The following PLA2G5 variants were observed in gnomAD, a reference collection of about 807,000 sequenced individuals.
PLA2G5 encodes Ca2+-dependent phospholipase A2.
In PLA2G5, 12 loss-of-function variants were observed where a neutral mutation model predicts 15.9. The ratio of observed to expected loss-of-function variants is 0.76; its 90% CI spans 0.48 to 1.23. The LOEUF (loss-of-function observed/expected upper bound fraction) is 1.23, where lower values mean the gene tolerates loss of function less well. Among genes scored for constraint, PLA2G5 ranks in the 50% most tolerant of loss-of-function variants. PLA2G5 has a pLI of 0.00. For missense variants in PLA2G5, 169 were observed against 177.1 expected (o/e 0.95, Z 0.26); for synonymous variants, 71 against 71.4 (o/e 0.99, Z 0.03).
intron 1 of PLA2G5, among the ~76,000 whole-genome samples, chr1:20,077,666 T>C (rs2015764262): frequency 6.6e-6 from 1 of 152,210 alleles, no homozygotes; most frequent in South Asian, 2.1e-4. Context: ...CATCGAATTA[T>C]CAGCGTTACT....
Position 20,088,317 on chromosome 1 carries a change from G to A in PLA2G5, c.186-1472G>A, listed in dbSNP as rs1008011582. ...GGTTTTGGTGGTGAGCTGAGATCGC[G>A]CCATTGCACTCCAGCCTGGGCGATG... On this transcript the variant is annotated intron_variant, in intron 3 of 4. Transcript: ENST00000375108. Among the ~76,000 whole-genome samples the A allele has an allele frequency of 8.6e-5, 13 of 151,170 alleles. 1 individual carries two copies. Among genetic ancestry groups the A allele is most frequent in the African/African-American group, 2.9e-4 (12 of 41,052 alleles).
chr1:20,030,714 G>T (rs1169517527), intron 1 of PLA2G5, among the ~76,000 whole-genome samples: 2 of 152,138 alleles, frequency 1.3e-5, no homozygotes, highest in East Asian at 1.9e-4. Context: ...AGAGGTCCCT[G>T]CGGCCTTCTG....
chr1:20,069,410 C>T (rs1296473920), upstream of PLA2G5, among the ~76,000 whole-genome samples: 1 of 152,206 alleles, frequency 6.6e-6, no homozygotes, highest in Admixed American at 6.5e-5. Context: ...TGGTGGCTCA[C>T]ACCTGTAATT....
intron 1 of PLA2G5, among the ~76,000 whole-genome samples, chr1:20,033,807 G>A (rs1389219944): frequency 6.6e-6 from 1 of 152,000 alleles, no homozygotes; most frequent in Non-Finnish European, 1.5e-5. Flanking sequence ...GGTAGTTGAT[G>A]GGGCAAGCTG....
intron 1 of PLA2G5, among the ~76,000 whole-genome samples, chr1:20,042,176 G>A (rs1366823021): frequency 6.6e-6 from 1 of 152,190 alleles, no homozygotes; most frequent in Admixed American, 6.5e-5. Context: ...TTGCTGAGAG[G>A]TAGTGGATGG....
At chr1:20,069,691 G>GAAAGAAAGA (rs2100524298), upstream of PLA2G5, among the ~76,000 whole-genome samples, 1 of 67,538 alleles carries the variant, frequency 1.5e-5, no homozygotes, top group African/African-American at 3.2e-5. Flanking sequence ...AAGAAAGAAA[G>GAAAGAAAGA]AAAGAAAGAA....
intron 2 of PLA2G5, among the ~76,000 whole-genome samples, chr1:20,064,395 G>A (rs1204562586): frequency 6.6e-6 from 1 of 151,756 alleles, no homozygotes; most frequent in African/African-American, 2.4e-5. Flanking sequence ...CCAACATGGT[G>A]AAATCCTGTC....
intron 1 of PLA2G5, among the ~76,000 whole-genome samples, chr1:20,079,113 C>CG (rs1557750151): frequency 9.7e-6 from 1 of 103,056 alleles, no homozygotes; most frequent in African/African-American, 3.8e-5. Context: ...GACCCTGTCT[C>CG]AAAAAAAAAA....
intron 1 of PLA2G5, among the ~76,000 whole-genome samples, chr1:20,050,412 G>A (rs1461873756): frequency 1.3e-5 from 2 of 152,154 alleles, no homozygotes; most frequent in Non-Finnish European, 2.9e-5. Context: ...GAGATTGTAA[G>A]GGCCAATTTT....
chr1:20,029,390 C>T (rs150886713), intron 1 of PLA2G5, among the ~76,000 whole-genome samples: 8 of 152,088 alleles, frequency 5.3e-5, no homozygotes, highest in African/African-American at 1.7e-4. Flanking sequence ...CATGTTCCTC[C>T]GCTGATATGT....
chr1:20,084,232 T>A (rs1427918848), intron 1 of PLA2G5, among the ~76,000 whole-genome samples: 1 of 152,142 alleles, frequency 6.6e-6, no homozygotes, highest in Non-Finnish European at 1.5e-5. Flanking sequence ...GGCACTATTC[T>A]CAGTGGTAGA....
upstream of PLA2G5, chr1:20,068,750 C>T: frequency 2.9e-6 from 1 of 339,176 alleles, no homozygotes; most frequent in Admixed American, 4.2e-5. Context: ...CACGCCCGGC[C>T]AAAAGTTTTT....
At chr1:20,029,331 G>T (rs1342139) in intron 1 of PLA2G5, among the ~76,000 whole-genome samples, 1 of 147,164 alleles carries the variant, frequency 6.8e-6, no homozygotes, top group Non-Finnish European at 1.5e-5. Flanking sequence ...CCAGCCACCC[G>T]TGTGTTCCTC....
intron 1 of PLA2G5, among the ~76,000 whole-genome samples, chr1:20,082,982 A>T (rs1377154867): frequency 6.6e-6 from 1 of 152,008 alleles, no homozygotes; most frequent in African/African-American, 2.4e-5. Flanking sequence ...ACTGTTTAAA[A>T]GGACAGACAC....
chr1:20,089,738 G>A, intron 3 of PLA2G5, 51 bp from the exon 4 acceptor site: 3 of 1,464,704 alleles, frequency 2.0e-6, no homozygotes, highest in Non-Finnish European at 2.9e-6. Flanking sequence ...TTAGGGATGG[G>A]GTCAGGAGGG....
intron 1 of PLA2G5, among the ~76,000 whole-genome samples, chr1:20,047,652 G>C (rs1569673355): frequency 6.6e-6 from 1 of 151,664 alleles, no homozygotes; most frequent in Non-Finnish European, 1.5e-5. Flanking sequence ...CAGGTGTTTT[G>C]TTTGCAAGCT....
At chr1:20,031,897 G>A (rs1340421005) in intron 1 of PLA2G5, among the ~76,000 whole-genome samples, 3 of 152,140 alleles carry the variant, frequency 2.0e-5, no homozygotes, top group Admixed American at 2.0e-4. Context: ...CCTTTAGGCT[G>A]GGGCAAGTAA....
At chr1:20,064,633 C>A (rs539889291) in intron 2 of PLA2G5, among the ~76,000 whole-genome samples, 1 of 151,634 alleles carries the variant, frequency 6.6e-6, no homozygotes, top group South Asian at 2.1e-4. Flanking sequence ...GTAACTCACA[C>A]CTGTAATCCC....
chr1:20,062,275 C>A (rs562627079), intron 2 of PLA2G5, among the ~76,000 whole-genome samples: 1 of 152,272 alleles, frequency 6.6e-6, no homozygotes, highest in East Asian at 1.9e-4. Context: ...GACTGAGAAC[C>A]CCTGGAGAAT....
Sources: gnomAD v4.1 joint callset for allele counts (sites outside exome capture counted in the v4.1 genomes callset) on GRCh38, gnomAD v4.1.1 for gene constraint, MANE v1.5 for transcripts, NCBI Gene and HGNC (gene_info 2026-07-23, HGNC 2026-07-21) for gene names.